ST3GAL1: variants seen among roughly 807,000 people sequenced by gnomAD.
ST3GAL1 encodes ST3 beta-galactoside alpha-2,3-sialyltransferase 1.
In ST3GAL1, 16 loss-of-function variants were observed where a neutral mutation model predicts 34.1. The observed-to-expected ratio is 0.47, with a 90% CI of 0.32 to 0.71. The LOEUF (loss-of-function observed/expected upper bound fraction) is 0.71, where lower values mean the gene tolerates loss of function less well. Among genes scored for constraint, ST3GAL1 ranks in the 30% least tolerant of loss-of-function variants. The pLI is 0.04. For missense variants in ST3GAL1, 353 were observed against 447.4 expected (o/e 0.79, Z 1.90); for synonymous variants, 191 against 184.7 (o/e 1.03, Z -0.28).
At chr8:133,511,002 A>AAAC (rs1422436838) in intron 2 of ST3GAL1, among the ~76,000 whole-genome samples, 8 of 152,372 alleles carry the variant, frequency 5.3e-5, no homozygotes, top group African/African-American at 1.9e-4. Flanking sequence ...TTTAAATGAT[A>AAAC]AACAGAAGTG....
At chr8:133,561,944 G>A (rs1819235979) in intron 1 of ST3GAL1, among the ~76,000 whole-genome samples, 1 of 152,062 alleles carries the variant, frequency 6.6e-6, no homozygotes, top group Non-Finnish European at 1.5e-5. Flanking sequence ...CCTTCACCAA[G>A]AGTGATCCAC....
At position 133,456,156 on chromosome 8, in the gene ST3GAL1, C is replaced by A. The variant is rs1442283439; in HGVS notation, c.*3608G>T. 1 of 152,212 alleles carries A rather than the reference C, an allele frequency of 6.6e-6. No homozygotes were observed. Among genetic ancestry groups the A allele is most frequent in the East Asian group, 1.9e-4 (1 of 5,202 alleles). The allele number at this position is 152,212 out of a possible 1,614,324, so 9.4% of individuals were successfully genotyped here. A position where few individuals can be genotyped will look rare whatever the true frequency, so the allele number is the denominator to read the frequency against. Reference sequence around the variant, plus strand: ...AGGCATTCATCCATTTATGAACTTTCTTCCAGCCCAGGATCCCTGCAGAGA... The same window carrying A: ...AGGCATTCATCCATTTATGAACTTTATTCCAGCCCAGGATCCCTGCAGAGA... On this transcript the variant is annotated 3_prime_UTR_variant, in exon 10 of 10. Transcript: ENST00000522652.
At chr8:133,564,891 C>A (rs1456120690) in intron 1 of ST3GAL1, among the ~76,000 whole-genome samples, 2 of 152,212 alleles carry the variant, frequency 1.3e-5, no homozygotes, top group Non-Finnish European at 2.9e-5. Context: ...AACCTTAACA[C>A]TTAAACTATT....
At chr8:133,480,568 G>A (rs908888211) in intron 3 of ST3GAL1, among the ~76,000 whole-genome samples, 11 of 152,152 alleles carry the variant, frequency 7.2e-5, no homozygotes, top group African/African-American at 2.7e-4. Flanking sequence ...AATACAGAGT[G>A]GCCACAACTT....
chr8:133,507,245 G>A (rs1239589741), intron 2 of ST3GAL1, among the ~76,000 whole-genome samples: 1 of 152,230 alleles, frequency 6.6e-6, no homozygotes, highest in Admixed American at 6.5e-5. Context: ...CCACTCATCA[G>A]TAGAGGAAAC....
chr8:133,548,339 C>A (rs1818727977), intron 1 of ST3GAL1, among the ~76,000 whole-genome samples: 1 of 152,204 alleles, frequency 6.6e-6, no homozygotes. Flanking sequence ...GTACTTTCTA[C>A]TCACCCTTCA....
chr8:133,514,423 C>T (rs563861294), intron 2 of ST3GAL1, among the ~76,000 whole-genome samples: 45 of 152,254 alleles, frequency 3.0e-4, no homozygotes, highest in African/African-American at 9.4e-4. Context: ...GGGGTGAGGG[C>T]TCCTTCCATG....
chr8:133,555,998 A>G (rs1819006012), intron 1 of ST3GAL1, among the ~76,000 whole-genome samples: 1 of 151,964 alleles, frequency 6.6e-6, no homozygotes, highest in Non-Finnish European at 1.5e-5. Context: ...AGTTCAAGCA[A>G]TTCTCGTGCC....
chr8:133,559,665 C>G (rs7820233), intron 1 of ST3GAL1, among the ~76,000 whole-genome samples: 70,368 of 151,736 alleles, frequency 0.46, 17,449 homozygotes, highest in Admixed American at 0.62. Context: ...AGAAGAAGAA[C>G]AACAAACCTT....
Position 133,459,992 on chromosome 8 carries a change from C to T in ST3GAL1, c.850-55G>A, listed in dbSNP as rs977448045. 3.9e-6 allele frequency: 6 copies of T among 1,540,440 alleles called. No homozygotes were observed. In the African/African-American group the frequency reaches 5.5e-5, roughly 14 times the overall value. ...GACAGCAGGGCTGCTGGTGGCACCT[C>T]TGAGAAAGGAAGCCTGTAGGCGTTC... On this transcript the variant is annotated intron_variant, in intron 9 of 9. Transcript: ENST00000522652. This position sits in a 1 kb window ranked among gnomAD's most constrained non-coding sequence, Gnocchi z 4.7.
At position 133,555,722 on chromosome 8, in the gene ST3GAL1, G is replaced by C. The variant is rs565442256; in HGVS notation, c.-581-9796C>G. 2.0e-5 allele frequency among the ~76,000 whole-genome samples: 3 copies of C among 152,126 alleles called. No individual in the cohort carries two copies. In the East Asian group the frequency reaches 5.8e-4, roughly 29 times the overall value. On this transcript the variant is annotated intron_variant, in intron 1 of 9. Transcript: ENST00000522652. The stretch of plus-strand genomic sequence containing the variant: ...CTTCCCTCCAATCACAGGAGTCGGC[G>C]GGTGCCTGGCTTGGGCAGTGGATTC...
Position 133,508,055 on chromosome 8 carries a change from G to A in ST3GAL1, c.-428-8866C>T, listed in dbSNP as rs1817396517. 6.6e-6 allele frequency among the ~76,000 whole-genome samples: 1 copy of A among 152,178 alleles called. No homozygotes were observed. Among genetic ancestry groups the A allele is most frequent in the African/African-American group, 2.4e-5 (1 of 41,446 alleles). Reference sequence around the variant, plus strand: ...GGCAGCCCACAGACAATGACAGAGGGACATGGGGTTACACAGGGTTGGCCT... The same window carrying A: ...GGCAGCCCACAGACAATGACAGAGGAACATGGGGTTACACAGGGTTGGCCT... On this transcript the variant is annotated intron_variant, in intron 2 of 9. Coordinates refer to ENST00000522652, the MANE Select transcript of ST3GAL1 (RefSeq NM_173344.3). The surrounding 1 kb of genome is among the most constrained non-coding windows in gnomAD (Gnocchi z 4.1).
intron 1 of ST3GAL1, among the ~76,000 whole-genome samples, chr8:133,551,655 T>C (rs964326092): frequency 2.6e-5 from 4 of 152,146 alleles, no homozygotes; most frequent in East Asian, 3.9e-4. Context: ...ACTTTACTCA[T>C]TGGTAAAATG....
chr8:133,473,884 G>A (rs767825587), intron 5 of ST3GAL1, among the ~76,000 whole-genome samples: 1 of 152,192 alleles, frequency 6.6e-6, no homozygotes, highest in Non-Finnish European at 1.5e-5. Flanking sequence ...GAGGCTGAGA[G>A]CAGACCCTAA....
At chr8:133,534,596 C>T (rs1818253417) in intron 2 of ST3GAL1, among the ~76,000 whole-genome samples, 2 of 152,158 alleles carry the variant, frequency 1.3e-5, no homozygotes, top group African/African-American at 2.4e-5. Flanking sequence ...GCAGATAAGG[C>T]GTGGATAGCA....
chr8:133,475,112 C>T (rs1816119115), intron 5 of ST3GAL1, among the ~76,000 whole-genome samples: 1 of 152,186 alleles, frequency 6.6e-6, no homozygotes, highest in South Asian at 2.1e-4. Context: ...GGGCCCTAAA[C>T]CTGATGACAG....
Position 133,508,396 on chromosome 8 carries a change from G to A in ST3GAL1, c.-428-9207C>T, listed in dbSNP as rs944259891. Among the ~76,000 whole-genome samples the A allele has an allele frequency of 2.6e-5, 4 of 152,276 alleles. No homozygotes were observed. Among genetic ancestry groups the A allele is most frequent in the Non-Finnish European group, 5.9e-5 (4 of 68,018 alleles). ...TGCTCTGGGGTTGGCCGTGGGATCA[G>A]GCTGAAGGTTGACTCTAGCTGGGAG... is the stretch of plus-strand genomic sequence containing the variant. On this transcript the variant is annotated intron_variant, in intron 2 of 9. Transcript: ENST00000522652. This position sits in a 1 kb window ranked among gnomAD's most constrained non-coding sequence, Gnocchi z 4.1.
At chr8:133,472,473 A>T (rs66973293) in intron 5 of ST3GAL1, among the ~76,000 whole-genome samples, 19,817 of 152,126 alleles carry the variant, frequency 0.13, 2,129 homozygotes, top group East Asian at 0.58. Context: ...TGAAAGCCAA[A>T]CCATATCATG....
chr8:133,491,521 C>G (rs541130307), intron 3 of ST3GAL1, among the ~76,000 whole-genome samples: 1 of 152,030 alleles, frequency 6.6e-6, no homozygotes, highest in Admixed American at 6.6e-5. Context: ...GCTCTGGAGC[C>G]GAGATTCACA....
Sources: allele counts gnomAD v4.1 joint callset (sites outside exome capture counted in the v4.1 genomes callset), GRCh38; gene constraint gnomAD v4.1.1; non-coding constraint Gnocchi (gnomAD v3.1); transcripts MANE v1.5; gene names NCBI Gene and HGNC (gene_info 2026-07-23, HGNC 2026-07-21).